The following FAF1 variants were observed in gnomAD, a reference collection of about 807,000 sequenced individuals.
FAF1 encodes the protein FAS-associated factor 1.
A neutral mutation model predicts 92.5 loss-of-function variants in FAF1; 25 were observed. The observed-to-expected ratio is 0.27, with a 90% CI of 0.20 to 0.38. The LOEUF is 0.38. Ranked by LOEUF, FAF1 falls within the 10% of genes least tolerant of loss-of-function variation. The pLI, the probability that FAF1 is intolerant of heterozygous loss-of-function variation, is 1.00. For synonymous variants in FAF1, 234 were observed against 273.2 expected (o/e 0.86, Z 1.42); for missense variants, 636 against 793.3 (o/e 0.80, Z 2.38).
At chr1:50,815,313 C>T (rs1480628025) in intron 2 of FAF1, among the ~76,000 whole-genome samples, 1 of 152,108 alleles carries the variant, frequency 6.6e-6, no homozygotes, top group Non-Finnish European at 1.5e-5. Context: ...CTCCTGCTTA[C>T]GTGAGAATGT....
intron 4 of FAF1, among the ~76,000 whole-genome samples, chr1:50,785,212 A>G (rs959366594): frequency 3.3e-5 from 5 of 151,722 alleles, no homozygotes; most frequent in African/African-American, 1.2e-4. Context: ...GCTTTATAAC[A>G]CTGATCTTGG....
Position 50,960,007 on chromosome 1 carries a change from T to G in FAF1, c.-196A>C. The G allele has an allele frequency of 2.5e-6, 1 of 394,320 alleles. No homozygotes were observed. The highest frequency in any genetic ancestry group is 4.5e-6 in the Non-Finnish European group (1 of 223,982). The allele number at this position is 394,320 out of a possible 1,614,324, so 24.4% of individuals were successfully genotyped here. A position where few individuals can be genotyped will look rare whatever the true frequency, so the allele number is the denominator to read the frequency against. The stretch of plus-strand genomic sequence containing the variant: ...CTAGGCGCTCATGCACTCGGTAACC[T>G]TCAGGCGCCCCGGCCGCCCGCCTGC... On this transcript the variant is annotated 5_prime_UTR_variant, in exon 1 of 19. Coordinates refer to ENST00000396153, the MANE Select transcript of FAF1 (RefSeq NM_007051.3).
At chr1:50,959,709 G>T in intron 1 of FAF1, 58 bp downstream of exon 1, 1 of 1,470,998 alleles carries the variant, frequency 6.8e-7, no homozygotes, top group Non-Finnish European at 9.4e-7. Context: ...AGACTCCCTT[G>T]TGGCACCGGA....
chr1:50,460,601 ATGTGTGTGTG>A lies in FAF1; in HGVS notation c.1869+14853_1869+14862del, dbSNP rs761777414. On this transcript the variant is annotated intron_variant, in intron 18 of 18. Transcript: ENST00000396153. ...TGTATGTGTGTGTGTATGTATATATATGTGTGTGTGTGTGTGTGTGTGTTTGTGTATATAC... is the reference window on the plus strand; with the variant it reads ...TGTATGTGTGTGTGTATGTATATATATGTGTGTGTGTGTTTGTGTATATAC... Among the ~76,000 whole-genome samples, 17 of 149,608 alleles carry A rather than the reference ATGTGTGTGTG, an allele frequency of 1.1e-4. 1 individual carries two copies. Among genetic ancestry groups the A allele is most frequent in the East Asian group, 9.7e-4 (5 of 5,136 alleles).
intron 14 of FAF1, among the ~76,000 whole-genome samples, chr1:50,539,180 G>T (rs183120202): frequency 2.0e-5 from 3 of 152,294 alleles, no homozygotes; most frequent in African/African-American, 7.2e-5. Flanking sequence ...AATTGTCACT[G>T]TGAAAAATTC....
intron 1 of FAF1, among the ~76,000 whole-genome samples, chr1:50,887,459 T>C (rs1375676923): frequency 6.6e-6 from 1 of 152,242 alleles, no homozygotes. Flanking sequence ...CCCATGCCTA[T>C]AGCCTGAATG....
intron 1 of FAF1, among the ~76,000 whole-genome samples, chr1:50,884,562 G>A (rs551371107): frequency 1.3e-5 from 2 of 151,564 alleles, no homozygotes; most frequent in African/African-American, 4.8e-5. Context: ...AATACAAGCA[G>A]ATTTACTTGT....
Position 50,488,624 on chromosome 1 carries a change from C to A in FAF1, c.1653+1964G>T, listed in dbSNP as rs569136625. ...TTTGTGAAACTTGGCATATATGACT[C>A]CTGTGGACACAATGATATAGGGTTT... On this transcript the variant is annotated intron_variant, in intron 17 of 18. Transcript: ENST00000396153. Among the ~76,000 whole-genome samples, 4 of 152,234 alleles carry A rather than the reference C, an allele frequency of 2.6e-5. No homozygotes were observed. In the South Asian group the frequency reaches 8.3e-4, roughly 32 times the overall value.
At chr1:50,479,941 T>C (rs1186843480) in intron 17 of FAF1, among the ~76,000 whole-genome samples, 2 of 152,174 alleles carry the variant, frequency 1.3e-5, no homozygotes, top group African/African-American at 2.4e-5. Flanking sequence ...GTTTCAAACA[T>C]ACTGGCTAAG....
intron 4 of FAF1, among the ~76,000 whole-genome samples, chr1:50,761,549 A>C (rs943604390): frequency 2.0e-5 from 3 of 152,200 alleles, no homozygotes. Context: ...CAAATCAATA[A>C]ATGTAATCCA....
At chr1:50,706,726 T>C (rs1014585278) in intron 6 of FAF1, among the ~76,000 whole-genome samples, 2 of 152,234 alleles carry the variant, frequency 1.3e-5, no homozygotes, top group Non-Finnish European at 2.9e-5. Flanking sequence ...TTCATCAGTA[T>C]TGAAAATAAA....
chr1:50,937,457 T>C (rs554476766), intron 1 of FAF1, among the ~76,000 whole-genome samples: 1 of 152,056 alleles, frequency 6.6e-6, no homozygotes, highest in South Asian at 2.1e-4. Context: ...ATCAGTAAGT[T>C]ACAAAGAGGT....
chr1:50,499,314 G>A (rs1445573184), intron 15 of FAF1, among the ~76,000 whole-genome samples: 1 of 150,682 alleles, frequency 6.6e-6, no homozygotes, highest in Non-Finnish European at 1.5e-5. Context: ...CCTGATCTTA[G>A]CAGGAAAACA....
At chr1:50,740,086 T>A (rs1247109138) in intron 5 of FAF1, among the ~76,000 whole-genome samples, 1 of 152,174 alleles carries the variant, frequency 6.6e-6, no homozygotes, top group Non-Finnish European at 1.5e-5. Context: ...CCACTGAGAA[T>A]ATAGCATTGA....
intron 2 of FAF1, among the ~76,000 whole-genome samples, chr1:50,812,799 T>G (rs1473714518): frequency 6.6e-6 from 1 of 152,086 alleles, no homozygotes; most frequent in African/African-American, 2.4e-5. Context: ...CTATTCACCA[T>G]AGCAAAGACA....
At chr1:50,743,420 T>C (rs1021958133) in intron 5 of FAF1, among the ~76,000 whole-genome samples, 1 of 152,060 alleles carries the variant, frequency 6.6e-6, no homozygotes, top group East Asian at 1.9e-4. Context: ...CTCCACCTTG[T>C]GGGTTCAAGC....
chr1:50,646,419 G>C (rs538606892), intron 8 of FAF1, among the ~76,000 whole-genome samples: 79 of 152,164 alleles, frequency 5.2e-4, no homozygotes, highest in Non-Finnish European at 9.1e-4. Flanking sequence ...CATACAAATC[G>C]ATCCTTTAGT....
In FAF1 at chr1:50,857,928, C is replaced by T; in HGVS notation, c.114+1G>A. ...CATCAGAGAAAGAAAAAAGTACTTA[C>T]CACTAAGTCCCAATTATTTTGTTCA... On this transcript the variant is annotated splice_donor_variant, in intron 2 of 18. Transcript: ENST00000396153. LOFTEE classifies it high-confidence loss of function. 6.3e-7 allele frequency: 1 copy of T among 1,580,822 alleles called. No homozygotes were observed. Among genetic ancestry groups the T allele is most frequent in the Non-Finnish European group, 8.6e-7 (1 of 1,160,662 alleles).
At chr1:50,572,330 A>G (rs539652433) in intron 12 of FAF1, among the ~76,000 whole-genome samples, 61 of 152,328 alleles carry the variant, frequency 4.0e-4, no homozygotes, top group African/African-American at 1.1e-3. Context: ...AGAATAATAC[A>G]TTCCCTTACA....
Sources: allele counts gnomAD v4.1 joint callset (sites outside exome capture counted in the v4.1 genomes callset), GRCh38; gene constraint gnomAD v4.1.1; transcripts MANE v1.5; gene names NCBI Gene and HGNC (gene_info 2026-07-23, HGNC 2026-07-21).